Variants in CILK1 observed in about 807,000 individuals in gnomAD.
CILK1 encodes ciliogenesis associated kinase 1, also known as serine/threonine-protein kinase ICK.
In CILK1, 47 loss-of-function variants were observed where a neutral mutation model predicts 79.2. The ratio of observed to expected loss-of-function variants is 0.59; its 90% CI spans 0.47 to 0.76. The LOEUF (loss-of-function observed/expected upper bound fraction) is 0.76, where lower values mean the gene tolerates loss of function less well. Ranked by LOEUF, CILK1 falls within the 30% of genes least tolerant of loss-of-function variation. CILK1 has a pLI of 0.00. For synonymous variants in CILK1, 266 were observed against 275.9 expected (o/e 0.96, Z 0.36); for missense variants, 660 against 769.5 (o/e 0.86, Z 1.68).
chr6:53,061,322 G>A (rs1463355982), intron 1 of CILK1, among the ~76,000 whole-genome samples: 1 of 152,184 alleles, frequency 6.6e-6, no homozygotes, highest in Non-Finnish European at 1.5e-5. Flanking sequence ...AGTCCTCAAC[G>A]TGCCCCGCAA....
In CILK1 at chr6:53,006,444, T is replaced by G. The variant is rs772503590; in HGVS notation, c.1622-7A>C. ...CTTGTAGAGCTGGAACCAACTGATT[T>G]GCAAAAGCAAAAAGCTCATTATTAC... On this transcript the variant is annotated splice_polypyrimidine_tract_variant and splice_region_variant and intron_variant, in intron 12 of 13. Coordinates refer to ENST00000676107, the MANE Select transcript of CILK1 (RefSeq NM_014920.5). 6.2e-7 allele frequency: 1 copy of G among 1,613,478 alleles called. No homozygotes were observed. Among genetic ancestry groups the G allele is most frequent in the East Asian group, 2.2e-5 (1 of 44,870 alleles).
chr6:53,055,909 C>G (rs1271886696), intron 1 of CILK1, among the ~76,000 whole-genome samples: 2 of 152,152 alleles, frequency 1.3e-5, no homozygotes, highest in East Asian at 1.9e-4. Flanking sequence ...AACCTTTACC[C>G]TGCCATGTGT....
chr6:53,050,295 G>A (rs1341192092), intron 1 of CILK1, among the ~76,000 whole-genome samples: 2 of 151,684 alleles, frequency 1.3e-5, no homozygotes, highest in East Asian at 1.9e-4. Flanking sequence ...TATTTCACCC[G>A]TAAGTCACTC....
intron 5 of CILK1, among the ~76,000 whole-genome samples, chr6:53,029,994 A>G (rs921310098): frequency 6.6e-6 from 1 of 152,108 alleles, no homozygotes; most frequent in African/African-American, 2.4e-5. Flanking sequence ...TATTGATCCA[A>G]CCCCAGCTGG....
chr6:53,035,755 G>C (rs1019214409), intron 3 of CILK1, among the ~76,000 whole-genome samples: 2 of 152,192 alleles, frequency 1.3e-5, no homozygotes, highest in African/African-American at 2.4e-5. Flanking sequence ...AGAAACGACA[G>C]TGATAAGAGG....
rs150475918 is a variant in CILK1, at chr6:53,016,194, C to A, written c.720G>T (p.Gln240His). 1.8e-5 allele frequency: 29 copies of A among 1,614,088 alleles called. No homozygotes were observed. The African/African-American group carries it at 3.6e-4, about 20-fold the overall frequency. Residue 240 changes from glutamine (Q) to histidine (H), a missense_variant, in exon 8 of 14, where the codon CAG becomes CAT. Gln to His is a conservative substitution (Grantham distance 24). Coordinates refer to ENST00000676107, the MANE Select transcript of CILK1 (RefSeq NM_014920.5). ...AGGTCTTTAAGTTATTGGGTACACA[C>A]TGTGGCCAACGGAAGTTCATTGCAC... ...LSSAMNFRWP[Q>H]CVPNNLKTLI...
rs1201658057 is a variant in CILK1, at chr6:53,003,921, G to T, written c.*1228C>A. On this transcript the variant is annotated 3_prime_UTR_variant, in exon 14 of 14. Transcript: ENST00000676107. ...GCAAATGTACCATATAGAGATGGAT[G>T]AGACTGGACCTTTTGTCTTTTTCTG... is the stretch of plus-strand genomic sequence containing the variant. 6.6e-6 allele frequency: 1 copy of T among 152,620 alleles called. No individual in the cohort carries two copies. The highest frequency in any genetic ancestry group is 2.4e-5 in the African/African-American group (1 of 41,438). The allele number at this position is 152,620 out of a possible 1,614,324, so 9.5% of individuals were successfully genotyped here. A position where few individuals can be genotyped will look rare whatever the true frequency, so the allele number is the denominator to read the frequency against.
At position 53,012,383 on chromosome 6, in the gene CILK1, A is replaced by G. The variant is rs28360523; in HGVS notation, c.1153-156T>C. 0.073 allele frequency among the ~76,000 whole-genome samples: 11,166 copies of G among 152,152 alleles called. 493 individuals carry two copies. Among genetic ancestry groups the G allele is most frequent in the Non-Finnish European group, 0.093 (6,323 of 67,982 alleles). ...GGCAACTGTAGAAAACACATTCCCA[A>G]TCTTTCTGTCTCACTCATCCTTCAC... On this transcript the variant is annotated intron_variant, in intron 9 of 13. Coordinates refer to ENST00000676107, the MANE Select transcript of CILK1 (RefSeq NM_014920.5).
intron 11 of CILK1, among the ~76,000 whole-genome samples, chr6:53,011,239 C>T (rs140717647): frequency 1.0e-3 from 152 of 152,254 alleles, no homozygotes; most frequent in African/African-American, 3.2e-3. Context: ...TTCCTCCCTC[C>T]CTGGAGGCTG....
At chr6:53,011,464 T>C (rs1046021342) in intron 11 of CILK1, among the ~76,000 whole-genome samples, 2 of 152,074 alleles carry the variant, frequency 1.3e-5, no homozygotes, top group African/African-American at 4.8e-5. Context: ...CCAGGCATGG[T>C]GGTGGGCACC....
At chr6:53,008,427 CTTTT>C (rs1318627320) in intron 12 of CILK1, among the ~76,000 whole-genome samples, 2 of 140,600 alleles carry the variant, frequency 1.4e-5, no homozygotes, top group Non-Finnish European at 3.1e-5. Flanking sequence ...CCAAGTTCAA[CTTTT>C]TTTTTTTTTT....
chr6:53,020,035 T>C (rs970861558), intron 5 of CILK1, among the ~76,000 whole-genome samples: 1 of 152,178 alleles, frequency 6.6e-6, no homozygotes, highest in African/African-American at 2.4e-5. Context: ...ATAATTTTTG[T>C]TTAAGAAATA....
At chr6:53,031,279 A>G (rs1033590718) in intron 4 of CILK1, 135 bp from the exon 5 acceptor site, 121 of 641,106 alleles carry the variant, frequency 1.9e-4, no homozygotes, top group Non-Finnish European at 3.1e-4. Context: ...TACAAAAACA[A>G]AAAGATTAAA....
chr6:53,047,500 CTTT>C (rs574158671), intron 1 of CILK1, among the ~76,000 whole-genome samples: 1,000 of 82,376 alleles, frequency 0.012, 14 homozygotes, highest in East Asian at 0.087. Context: ...GATGAGGTCT[CTTT>C]TTTTTTTTTT....
At chr6:53,054,833 T>C (rs1465758857) in intron 1 of CILK1, 1 of 152,232 alleles carries the variant, frequency 6.6e-6, no homozygotes, top group East Asian at 1.9e-4. Flanking sequence ...TTCCCTCCCC[T>C]CAGCGTCAAT....
chr6:53,042,934 T>C (rs1766810463), intron 1 of CILK1, among the ~76,000 whole-genome samples: 1 of 152,196 alleles, frequency 6.6e-6, no homozygotes, highest in Admixed American at 6.5e-5. Context: ...AAGATATTAA[T>C]ATTAGGGAAA....
At chr6:53,020,991 A>AT in intron 5 of CILK1, among the ~76,000 whole-genome samples, 1 of 152,268 alleles carries the variant, frequency 6.6e-6, no homozygotes, top group Admixed American at 6.5e-5. Context: ...ATCCATCCTT[A>AT]CCCAGTTATG....
At chr6:53,005,928 T>TA (rs1306383374) in intron 13 of CILK1, among the ~76,000 whole-genome samples, 12 of 152,306 alleles carry the variant, frequency 7.9e-5, no homozygotes, top group Admixed American at 5.9e-4. Context: ...CAGTTCTGCC[T>TA]GAAAGCTCAA....
chr6:53,015,427 G>T (rs968226248), intron 8 of CILK1, among the ~76,000 whole-genome samples: 6 of 152,220 alleles, frequency 3.9e-5, no homozygotes, highest in Admixed American at 2.0e-4. Flanking sequence ...CATACTTCCG[G>T]TCAGTTGGTT....
Sources: gnomAD v4.1 joint callset for allele counts (sites outside exome capture counted in the v4.1 genomes callset) on GRCh38, gnomAD v4.1.1 for gene constraint, MANE v1.5 for transcripts, NCBI Gene and HGNC (gene_info 2026-07-23, HGNC 2026-07-21) for gene names.